PLCB1: variants seen among roughly 807,000 people sequenced by gnomAD.
PLCB1 encodes 1-phosphatidylinositol 4,5-bisphosphate phosphodiesterase beta-1.
In PLCB1, 46 loss-of-function variants were observed where a neutral mutation model predicts 161.8. That is an observed-to-expected ratio of 0.28 (90% CI 0.22 to 0.36). The LOEUF (loss-of-function observed/expected upper bound fraction) is 0.36. Ranked by LOEUF, PLCB1 falls within the 10% of genes least tolerant of loss-of-function variation. The pLI is 1.00. For synonymous variants in PLCB1, 517 were observed against 503.7 expected (o/e 1.03, Z -0.35); for missense variants, 1,016 against 1,472.5 (o/e 0.69, Z 5.07).
At chr20:8,523,496 CTA>C (rs777011717) in intron 3 of PLCB1, among the ~76,000 whole-genome samples, 749 of 51,570 alleles carry the variant, frequency 0.015, 33 homozygotes, top group African/African-American at 0.045. Context: ...CTCTCTCTCT[CTA>C]TATATATATA....
intron 3 of PLCB1, among the ~76,000 whole-genome samples, chr20:8,433,863 A>G (rs545891388): frequency 9.2e-4 from 140 of 152,320 alleles, no homozygotes; most frequent in African/African-American, 3.2e-3. Flanking sequence ...TCAGTATGAC[A>G]TCTAGAAGAG....
intron 3 of PLCB1, among the ~76,000 whole-genome samples, chr20:8,417,050 C>CATATATATATAT (rs1568667912): frequency 1.8e-5 from 1 of 54,346 alleles, no homozygotes; most frequent in African/African-American, 6.9e-5. Context: ...CACACACACA[C>CATATATATATAT]ACACATATAT....
intron 23 of PLCB1, among the ~76,000 whole-genome samples, chr20:8,746,715 T>C (rs1052913318): frequency 5.3e-5 from 8 of 152,232 alleles, no homozygotes; most frequent in Non-Finnish European, 1.0e-4. Flanking sequence ...ATTATTTCCA[T>C]TTAACAAATG....
intron 3 of PLCB1, among the ~76,000 whole-genome samples, chr20:8,606,470 G>A (rs568305259): frequency 1.1e-4 from 16 of 152,056 alleles, no homozygotes; most frequent in East Asian, 1.9e-4. Flanking sequence ...TGCCTGACAC[G>A]GAATAAACTT....
intron 10 of PLCB1, among the ~76,000 whole-genome samples, chr20:8,688,559 A>G (rs1334291992): frequency 6.6e-6 from 1 of 152,134 alleles, no homozygotes; most frequent in Non-Finnish European, 1.5e-5. Flanking sequence ...ATTTTCCTAC[A>G]TGTGGCTAGC....
intron 2 of PLCB1, among the ~76,000 whole-genome samples, chr20:8,165,822 T>C (rs1383475364): frequency 6.6e-6 from 1 of 152,166 alleles, no homozygotes; most frequent in Non-Finnish European, 1.5e-5. Flanking sequence ...GCTGTCTTAC[T>C]CTTAGCAGTT....
chr20:8,210,750 A>G (rs143898766), intron 2 of PLCB1, among the ~76,000 whole-genome samples: 1 of 152,234 alleles, frequency 6.6e-6, no homozygotes, highest in African/African-American at 2.4e-5. Flanking sequence ...TTTACATATA[A>G]TCTAATTGGA....
At chr20:8,685,189 T>A in intron 10 of PLCB1, 111 bp downstream of exon 10, 4 of 1,046,736 alleles carry the variant, frequency 3.8e-6, no homozygotes, top group Non-Finnish European at 4.3e-6. Flanking sequence ...TCCTGCGAAG[T>A]GCCTCTGAGA....
intron 2 of PLCB1, among the ~76,000 whole-genome samples, chr20:8,287,706 T>C (rs1366201041): frequency 2.0e-5 from 3 of 152,216 alleles, no homozygotes; most frequent in Non-Finnish European, 2.9e-5. Flanking sequence ...CAACGTCACC[T>C]ACACAAACTA....
intron 2 of PLCB1, among the ~76,000 whole-genome samples, chr20:8,263,220 T>C (rs1981793566): frequency 6.6e-6 from 1 of 152,194 alleles, no homozygotes; most frequent in South Asian, 2.1e-4. Context: ...GTTCAGTAAC[T>C]GGTAACTGTT....
At position 8,733,310 on chromosome 20, in the gene PLCB1, T is replaced by G. The variant is rs369668806; in HGVS notation, c.1961T>G (p.Phe654Cys). The G allele has an allele frequency of 2.5e-6, 4 of 1,613,962 alleles. No individual in the cohort carries two copies. Among genetic ancestry groups the G allele is most frequent in the Non-Finnish European group, 3.4e-6 (4 of 1,179,876 alleles). The change falls in exon 19 of 32, where the codon TTC becomes TGC. Residue 654 changes from phenylalanine (F) to cysteine (C), a missense_variant. Phe to Cys is a radical substitution (Grantham distance 205, BLOSUM62 -2). Coordinates refer to ENST00000338037, the MANE Select transcript of PLCB1 (RefSeq NM_015192.4). ...AGTGGCTACAGATTGAAGCCAGAGT[T>G]CATGAGGAGGCCTGACAAGCATTTT... The part of the protein sequence containing the change: ...GKSGYRLKPE[F>C]MRRPDKHFDP...
intron 3 of PLCB1, among the ~76,000 whole-genome samples, chr20:8,456,486 A>G (rs1328084643): frequency 2.0e-5 from 3 of 152,100 alleles, no homozygotes; most frequent in Non-Finnish European, 4.4e-5. Flanking sequence ...ATTGCAGAGT[A>G]GCAGTAAAGA....
chr20:8,206,209 A>G (rs1299245131), intron 2 of PLCB1, among the ~76,000 whole-genome samples: 2 of 152,190 alleles, frequency 1.3e-5, no homozygotes, highest in African/African-American at 4.8e-5. Flanking sequence ...ATGTTAGCAC[A>G]GTGGCTTTGG....
intron 2 of PLCB1, among the ~76,000 whole-genome samples, chr20:8,297,575 A>G (rs1312540170): frequency 6.6e-6 from 1 of 152,140 alleles, no homozygotes; most frequent in African/African-American, 2.4e-5. Context: ...CCAAGTAATA[A>G]TCGTTATAAC....
chr20:8,237,894 A>G (rs940986406), intron 2 of PLCB1, among the ~76,000 whole-genome samples: 1 of 152,124 alleles, frequency 6.6e-6, no homozygotes, highest in Non-Finnish European at 1.5e-5. Context: ...AATCCTGCCA[A>G]CTTCTTATAA....
chr20:8,680,189 AT>A (rs770782339), intron 9 of PLCB1, among the ~76,000 whole-genome samples: 2 of 152,154 alleles, frequency 1.3e-5, no homozygotes, highest in African/African-American at 2.4e-5. Flanking sequence ...AGAAAAAAAA[AT>A]TGTAAATTTT....
chr20:8,169,910 A>G (rs1023075213), intron 2 of PLCB1, among the ~76,000 whole-genome samples: 6 of 152,202 alleles, frequency 3.9e-5, no homozygotes, highest in Non-Finnish European at 5.9e-5. Flanking sequence ...GCCCTGGAGA[A>G]TGAGACTGAA....
chr20:8,545,379 G>A (rs1985498203), intron 3 of PLCB1, among the ~76,000 whole-genome samples: 1 of 152,200 alleles, frequency 6.6e-6, no homozygotes, highest in African/African-American at 2.4e-5. Context: ...GCCTTTCTAG[G>A]CTGGAAATGG....
chr20:8,269,706 A>G (rs1434771577), intron 2 of PLCB1, among the ~76,000 whole-genome samples: 2 of 152,258 alleles, frequency 1.3e-5, no homozygotes, highest in East Asian at 3.9e-4. Flanking sequence ...ACAAAGACAG[A>G]TTTTTGGCTT....
Sources: gnomAD v4.1 joint callset for allele counts (sites outside exome capture counted in the v4.1 genomes callset) on GRCh38, gnomAD v4.1.1 for gene constraint, MANE v1.5 for transcripts, NCBI Gene and HGNC (gene_info 2026-07-23, HGNC 2026-07-21) for gene names.